The following GPC3 variants were observed in gnomAD, a reference collection of about 807,000 sequenced individuals.
GPC3 encodes the protein glypican-3.
Under a neutral mutation model 34.4 loss-of-function variants are expected in GPC3, and 3 were observed. The ratio of observed to expected loss-of-function variants is 0.09; its 90% CI spans 0.04 to 0.23. The LOEUF (loss-of-function observed/expected upper bound fraction) is 0.23. Ranked by LOEUF, GPC3 falls within the 10% of genes least tolerant of loss-of-function variation. The pLI, the probability that GPC3 is intolerant of heterozygous loss-of-function variation, is 1.00. For synonymous variants in GPC3, 177 were observed against 174.0 expected (o/e 1.02, Z -0.13); for missense variants, 351 against 445.6 (o/e 0.79, Z 1.91).
intron 4 of GPC3, among the ~76,000 whole-genome samples, chrX:133,697,913 A>G (rs764180898): frequency 1.6e-4 from 18 of 111,471 alleles, no homozygotes; most frequent in Non-Finnish European, 3.0e-4. Context: ...GCCGCTTTAG[A>G]CCAAGTCAGA....
intron 2 of GPC3, among the ~76,000 whole-genome samples, chrX:133,911,689 T>C (rs1217182486): frequency 8.9e-6 from 1 of 111,984 alleles, no homozygotes; most frequent in African/African-American, 3.2e-5. Flanking sequence ...AGTATATAAC[T>C]GAACTTTTGA....
At chrX:133,719,165 T>C (rs1166040206) in intron 3 of GPC3, among the ~76,000 whole-genome samples, 1 of 111,161 alleles carries the variant, frequency 9.0e-6, no homozygotes, top group Admixed American at 9.7e-5. Flanking sequence ...CGTGGAACGT[T>C]CTTCAGTACA....
intron 6 of GPC3, among the ~76,000 whole-genome samples, chrX:133,621,295 C>A (rs964450637): frequency 9.0e-6 from 1 of 111,725 alleles, no homozygotes; most frequent in African/African-American, 3.2e-5. Flanking sequence ...GTTCATCTCA[C>A]TGGGGCTTTT....
chrX:133,582,569 G>T (rs1011922997), intron 7 of GPC3, among the ~76,000 whole-genome samples: 2 of 112,486 alleles, frequency 1.8e-5, no homozygotes, highest in Non-Finnish European at 3.7e-5. Context: ...ATAGCAATCT[G>T]ACAGAGATTT....
chrX:133,586,529 C>T (rs1262036123), intron 7 of GPC3, among the ~76,000 whole-genome samples: 1 of 111,752 alleles, frequency 8.9e-6, no homozygotes, highest in African/African-American at 3.3e-5. Flanking sequence ...TGGAAAAAAT[C>T]AGGGGCCCTT....
intron 2 of GPC3, among the ~76,000 whole-genome samples, chrX:133,915,051 T>C (rs1253973894): frequency 1.9e-5 from 2 of 105,007 alleles, no homozygotes; most frequent in African/African-American, 7.0e-5. Flanking sequence ...GATCATTTTT[T>C]CTTACCATAA....
chrX:133,766,172 GACATTAGGTAAAGTCAGCA>G (rs2071842519), intron 2 of GPC3, among the ~76,000 whole-genome samples: 1 of 111,926 alleles, frequency 8.9e-6, no homozygotes, highest in Non-Finnish European at 1.9e-5. Flanking sequence ...ATAGGCCCCT[GACATTAGGTAAAGTCAGCA>G]ACATTAACCA....
At chrX:133,763,763 A>G in intron 2 of GPC3, 1 of 452,041 alleles carries the variant, frequency 2.2e-6, no homozygotes. Flanking sequence ...AAAAAAGTCA[A>G]AAAACAACAG....
chrX:133,913,821 C>T (rs2076211572), intron 2 of GPC3, among the ~76,000 whole-genome samples: 1 of 110,515 alleles, frequency 9.0e-6, no homozygotes, highest in Non-Finnish European at 1.9e-5. Flanking sequence ...GGAGAGCCTG[C>T]TCTCTTTGGT....
chrX:133,846,876 G>A (rs1402758092), intron 2 of GPC3, among the ~76,000 whole-genome samples: 1 of 111,580 alleles, frequency 9.0e-6, no homozygotes, highest in Non-Finnish European at 1.9e-5. Context: ...AACCAGCTTT[G>A]CTCATAGAAT....
intron 2 of GPC3, among the ~76,000 whole-genome samples, chrX:133,775,638 CA>C (rs987556688): frequency 2.7e-5 from 3 of 111,141 alleles, no homozygotes; most frequent in African/African-American, 9.8e-5. Flanking sequence ...GGTCTTTCCC[CA>C]ACACAGCAAA....
At chrX:133,676,174 A>C (rs2070882840) in intron 5 of GPC3, among the ~76,000 whole-genome samples, 1 of 112,402 alleles carries the variant, frequency 8.9e-6, no homozygotes, top group South Asian at 3.7e-4. Flanking sequence ...ACCAAGAATA[A>C]GGTAGCTAAG....
chrX:133,657,943 T>C (rs2070681918), intron 6 of GPC3, among the ~76,000 whole-genome samples: 1 of 96,670 alleles, frequency 1.0e-5, no homozygotes, highest in Admixed American at 1.1e-4. Context: ...AGAGGAGAAG[T>C]ATTTCTGTAT....
chrX:133,599,454 A>G (rs1029698146), intron 6 of GPC3, among the ~76,000 whole-genome samples: 3 of 111,943 alleles, frequency 2.7e-5, no homozygotes, highest in African/African-American at 9.7e-5. Flanking sequence ...GAAGAGTTGT[A>G]CTTGCCACTG....
In GPC3 at chrX:133,818,250, A is replaced by G. The variant is rs914358552; in HGVS notation, c.338-64074T>C. Among the ~76,000 whole-genome samples, 4 of 112,247 alleles carry G rather than the reference A, an allele frequency of 3.6e-5. No homozygotes were observed. The Admixed American group carries it at 3.8e-4, about 11-fold the overall frequency. ...ACACAAAGGCCAAGATAAGGACAGC[A>G]TAAGTCAAAGCTAGACAGATCAAAT... On this transcript the variant is annotated intron_variant, in intron 2 of 7. Transcript: ENST00000370818.
chrX:133,859,875 A>G (rs191612728), intron 2 of GPC3, among the ~76,000 whole-genome samples: 32 of 111,970 alleles, frequency 2.9e-4, no homozygotes, highest in African/African-American at 8.8e-4. Context: ...TGGTATCAGC[A>G]TCGGCTTCTG....
At chrX:133,854,172 C>A (rs2075889254) in intron 2 of GPC3, among the ~76,000 whole-genome samples, 1 of 111,364 alleles carries the variant, frequency 9.0e-6, no homozygotes, top group Non-Finnish European at 1.9e-5. Context: ...GGATTTGATA[C>A]CATGGCTAGA....
intron 2 of GPC3, among the ~76,000 whole-genome samples, chrX:133,776,721 G>A (rs920648184): frequency 9.0e-6 from 1 of 110,857 alleles, no homozygotes. Flanking sequence ...TAATCCAGAG[G>A]TCAGAAGAAT....
intron 1 of GPC3, among the ~76,000 whole-genome samples, chrX:133,962,498 G>A (rs990990452): frequency 9.0e-6 from 1 of 111,670 alleles, no homozygotes; most frequent in Admixed American, 9.5e-5. Context: ...TTAGAAAAGC[G>A]AAAGTATTCA....
Sources: gnomAD v4.1 joint callset for allele counts (sites outside exome capture counted in the v4.1 genomes callset) on GRCh38, gnomAD v4.1.1 for gene constraint, MANE v1.5 for transcripts, NCBI Gene and HGNC (gene_info 2026-07-23, HGNC 2026-07-21) for gene names.